KIF20B: variants seen among roughly 807,000 people sequenced by gnomAD.
KIF20B encodes kinesin family member 20B.
KIF20B carries 188 observed loss-of-function variants against 232.5 expected under a neutral mutation model. The observed-to-expected ratio is 0.81, with a 90% CI of 0.72 to 0.91. The LOEUF (loss-of-function observed/expected upper bound fraction) is 0.91. KIF20B is among the 40% of genes least tolerant of loss of function. KIF20B has a pLI of 0.00. For synonymous variants in KIF20B, 712 were observed against 683.0 expected, an observed-to-expected ratio of 1.04 and a Z score of -0.66; for missense variants, 2,154 against 2,055.9, an observed-to-expected ratio of 1.05 and a Z score of -0.92.
At chr10:89,756,298 C>G (rs1842116803) in intron 26 of KIF20B, among the ~76,000 whole-genome samples, 1 of 152,166 alleles carries the variant, frequency 6.6e-6, no homozygotes, top group Non-Finnish European at 1.5e-5. Context: ...ATACCTATCA[C>G]CCAACCTTCC....
Position 89,738,112 on chromosome 10 carries a change from G to A in KIF20B, c.3271G>A (p.Glu1091Lys). ...ACAACAAATTGAAAAATTGCAGGCAGAAGTAAAAGGCTATAAGGATGAAAA... is the reference window on the plus strand; with the variant it reads ...ACAACAAATTGAAAAATTGCAGGCAAAAGTAAAAGGCTATAAGGATGAAAA... ...LEQQIEKLQA[E>K]VKGYKDENNR... The change falls in exon 20 of 33, where the codon GAA becomes AAA. Residue 1091 changes from glutamate to lysine, a missense_variant. By Grantham distance (56) the Glu-to-Lys change is moderately conservative (BLOSUM62 1). Transcript: ENST00000371728. 1 of 1,610,874 alleles carries A rather than the reference G, an allele frequency of 6.2e-7. No individual in the cohort carries two copies. The highest frequency in any genetic ancestry group is 8.5e-7 in the Non-Finnish European group (1 of 1,179,480).
At chr10:89,741,420 C>T (rs954346840) in intron 21 of KIF20B, among the ~76,000 whole-genome samples, 2 of 152,168 alleles carry the variant, frequency 1.3e-5, no homozygotes. Flanking sequence ...TTGAGGCTCC[C>T]TCCTCATATA....
rs1430767731 is a variant in KIF20B, at chr10:89,768,305, G to GA, written c.5009dup (p.Asn1670LysfsTer2). 6.4e-7 allele frequency: 1 copy of GA among 1,561,152 alleles called. No individual in the cohort carries two copies. Among genetic ancestry groups the GA allele is most frequent in the Non-Finnish European group, 8.7e-7 (1 of 1,146,570 alleles). On this transcript the variant is annotated frameshift_variant, in exon 30 of 33. Transcript: ENST00000371728. LOFTEE classifies it high-confidence loss of function. ...TTATTTTTAGGACTTGGTGAAATGTGAAAATAAGAAGAATGCTACACCCAG... is the reference window on the plus strand; with the variant it reads ...TTATTTTTAGGACTTGGTGAAATGTGAAAAATAAGAAGAATGCTACACCCAG...
In KIF20B at chr10:89,718,575, A is replaced by G. The variant is rs1842983594; in HGVS notation, c.1272-135A>G. 22 of 676,546 alleles carry G rather than the reference A, an allele frequency of 3.3e-5. 1 individual carries two copies. In the South Asian group the frequency reaches 3.9e-4, roughly 12 times the overall value. The allele number at this position is 676,546 out of a possible 1,614,324, so 41.9% of individuals were successfully genotyped here. A position where few individuals can be genotyped will look rare whatever the true frequency, so the allele number is the denominator to read the frequency against. On this transcript the variant is annotated intron_variant, in intron 11 of 32. Transcript: ENST00000371728. ...AAAGAAAACTGAGAAGGACTATTAC[A>G]TCTGAAACTAATCACTACCCTAAAG...
chr10:89,754,812 C>A, intron 26 of KIF20B, 139 bp downstream of exon 26: 2 of 542,650 alleles, frequency 3.7e-6, no homozygotes, highest in Non-Finnish European at 6.1e-6. Flanking sequence ...AAGATAACTT[C>A]TGAGCCAATT....
chr10:89,731,794 A>G lies in KIF20B; in HGVS notation c.2392-1109A>G, dbSNP rs61293356. The stretch of plus-strand genomic sequence containing the variant: ...GATTTTGTCATTTATCAGTGACACT[A>G]AGGGACTAATTGTGAGAAAGCGTGG... On this transcript the variant is annotated intron_variant, in intron 18 of 32. Coordinates refer to ENST00000371728, the MANE Select transcript of KIF20B (RefSeq NM_001284259.2). Among the ~76,000 whole-genome samples the G allele has an allele frequency of 8.5e-3, 1,295 of 152,282 alleles. 20 individuals are homozygous for G. The highest frequency in any genetic ancestry group is 0.03 in the African/African-American group (1,228 of 41,560).
In KIF20B at chr10:89,717,510, C is replaced by G. The variant is rs757418454; in HGVS notation, c.1124+15C>G. ...CGAGTCAGTGAGTAAGTTGAATATT[C>G]TTTAAATTTAATTATTTGTAATTGT... is the stretch of plus-strand genomic sequence containing the variant. On this transcript the variant is annotated intron_variant, in intron 10 of 32. Coordinates refer to ENST00000371728, the MANE Select transcript of KIF20B (RefSeq NM_001284259.2). 2.5e-6 allele frequency: 4 copies of G among 1,584,638 alleles called. No individual in the cohort carries two copies. Among genetic ancestry groups the G allele is most frequent in the Non-Finnish European group, 3.4e-6 (4 of 1,160,322 alleles).
chr10:89,713,354 C>G (rs1160748339), intron 6 of KIF20B, among the ~76,000 whole-genome samples: 2 of 130,824 alleles, frequency 1.5e-5, no homozygotes, highest in Non-Finnish European at 3.2e-5. Context: ...GAGCAAGACT[C>G]TCTCAAAAAA....
At position 89,762,660 on chromosome 10, in the gene KIF20B, C is replaced by A; in HGVS notation, c.4814C>A (p.Ser1605Tyr). Reference sequence around the variant, plus strand: ...TAGGATGGATCTGTAGTCCTTGACTCTTGTGAAGTGTCAACAGAAAATGAT... The same window carrying A: ...TAGGATGGATCTGTAGTCCTTGACTATTGTGAAGTGTCAACAGAAAATGAT... Reference protein sequence around the residue: ...KIEDGSVVLDSCEVSTENDQS... With the variant: ...KIEDGSVVLDYCEVSTENDQS... Residue 1605 changes from serine to tyrosine, a missense_variant, in exon 29 of 33, where the codon TCT becomes TAT. Coordinates refer to ENST00000371728, the MANE Select transcript of KIF20B (RefSeq NM_001284259.2). 1 of 1,613,212 alleles carries A rather than the reference C, an allele frequency of 6.2e-7. No individual in the cohort carries two copies. Among genetic ancestry groups the A allele is most frequent in the South Asian group, 1.1e-5 (1 of 91,044 alleles).
chr10:89,721,960 G>T (rs1039742078), intron 13 of KIF20B, among the ~76,000 whole-genome samples: 8 of 152,014 alleles, frequency 5.3e-5, no homozygotes, highest in Non-Finnish European at 7.4e-5. Flanking sequence ...TACCTAGGCT[G>T]GAGTGCAATA....
In KIF20B at chr10:89,737,433, T is replaced by C; in HGVS notation, c.2592T>C (p.Ser864=). ...SSAITEDQKK[S]EEVRPNIAEI... ...CTATCACTGAAGACCAAAAGAAAAG[T>C]GAAGAAGTGCGACCGAACATTGCAG... is the stretch of plus-strand genomic sequence containing the variant. The change falls in exon 20 of 33, where the codon AGT becomes AGC. Residue 864 remains serine (S), a synonymous_variant. Transcript: ENST00000371728. 1.3e-6 allele frequency: 2 copies of C among 1,595,982 alleles called. No individual in the cohort carries two copies. The highest frequency in any genetic ancestry group is 1.7e-6 in the Non-Finnish European group (2 of 1,175,270).
chr10:89,715,551 A>G (rs916942627), intron 8 of KIF20B, among the ~76,000 whole-genome samples: 1 of 152,226 alleles, frequency 6.6e-6, no homozygotes, highest in African/African-American at 2.4e-5. Context: ...TATTCACAGT[A>G]GGAAACACAT....
intron 29 of KIF20B, among the ~76,000 whole-genome samples, chr10:89,766,014 C>T (rs1478257420): frequency 2.6e-5 from 4 of 151,958 alleles, no homozygotes; most frequent in South Asian, 2.1e-4. Flanking sequence ...ATCTTTGTGG[C>T]GTTCTCTGTA....
At chr10:89,766,642 A>G (rs1418995426) in intron 29 of KIF20B, among the ~76,000 whole-genome samples, 1 of 152,082 alleles carries the variant, frequency 6.6e-6, no homozygotes, top group Admixed American at 6.6e-5. Context: ...CTCTAGCAAA[A>G]TAATTTTTCT....
intron 25 of KIF20B, 141 bp from the exon 26 acceptor site, chr10:89,754,377 T>G (rs964279196): frequency 1.1e-4 from 49 of 427,312 alleles, no homozygotes; most frequent in Admixed American, 1.8e-4. Context: ...AATCTGAAGC[T>G]TTGATCTTGT....
chr10:89,704,624 G>A (rs368994233), intron 1 of KIF20B, among the ~76,000 whole-genome samples: 3 of 151,502 alleles, frequency 2.0e-5, no homozygotes, highest in Admixed American at 2.0e-4. Context: ...TGGCGCGATC[G>A]CGATTCACTG....
intron 19 of KIF20B, 92 bp downstream of exon 19, chr10:89,733,148 C>T (rs1469306102): frequency 1.5e-6 from 2 of 1,303,820 alleles, no homozygotes; most frequent in South Asian, 2.6e-5. Flanking sequence ...ATTCACTTGT[C>T]TAAGGAAAAA....
At chr10:89,763,886 T>A (rs1031946201) in intron 29 of KIF20B, among the ~76,000 whole-genome samples, 7 of 146,824 alleles carry the variant, frequency 4.8e-5, no homozygotes, top group South Asian at 4.2e-4. Context: ...ATTTATATAT[T>A]TTTATTTATT....
intron 11 of KIF20B, 21 bp from the exon 12 acceptor site, chr10:89,718,689 T>C (rs373919857): frequency 2.5e-6 from 4 of 1,591,138 alleles, no homozygotes; most frequent in Non-Finnish European, 3.4e-6. Flanking sequence ...TTACAATGTT[T>C]TCTGAAAATT....
Sources: allele counts gnomAD v4.1 joint callset (sites outside exome capture counted in the v4.1 genomes callset), GRCh38; gene constraint gnomAD v4.1.1; transcripts MANE v1.5; gene names NCBI Gene and HGNC (gene_info 2026-07-23, HGNC 2026-07-21).